The following DENND1B variants were observed in gnomAD, a reference collection of about 807,000 sequenced individuals.
DENND1B encodes DENN domain-containing protein 1B.
In DENND1B, 59 loss-of-function variants were observed where a neutral mutation model predicts 90.1. That is an observed-to-expected ratio of 0.65 (90% confidence interval 0.53 to 0.81). The LOEUF is 0.81. Among genes scored for constraint, DENND1B ranks in the 40% least tolerant of loss-of-function variants. The probability of loss-of-function intolerance (pLI) is 0.00; values close to 1 mark genes in which losing one functional copy is unlikely to be tolerated. For missense variants in DENND1B, 862 were observed against 912.6 expected (o/e 0.94, Z 0.71); for synonymous variants, 337 against 324.6 (o/e 1.04, Z -0.41).
intron 11 of DENND1B, among the ~76,000 whole-genome samples, chr1:197,614,077 C>T (rs904492006): frequency 3.4e-5 from 5 of 147,802 alleles, no homozygotes; most frequent in Admixed American, 3.4e-4. Context: ...TTCGCCCAGG[C>T]AAAAACATTT....
intron 3 of DENND1B, among the ~76,000 whole-genome samples, chr1:197,677,112 G>C (rs1249672195): frequency 6.6e-6 from 1 of 152,108 alleles, no homozygotes; most frequent in African/African-American, 2.4e-5. Context: ...AAAATGAGAT[G>C]TGTCATTGTC....
At chr1:197,754,182 A>G (rs1653953464) in intron 2 of DENND1B, among the ~76,000 whole-genome samples, 1 of 152,104 alleles carries the variant, frequency 6.6e-6, no homozygotes, top group African/African-American at 2.4e-5. Flanking sequence ...TAAAAAGAGG[A>G]TTAATACCCA....
chr1:197,663,909 C>T (rs76102264), intron 5 of DENND1B, among the ~76,000 whole-genome samples: 49 of 151,924 alleles, frequency 3.2e-4, no homozygotes, highest in Non-Finnish European at 6.8e-4. Context: ...ACAAAGTAGT[C>T]CAGTAATTCC....
At chr1:197,714,848 GTAACTTT>G (rs1660485812) in intron 3 of DENND1B, among the ~76,000 whole-genome samples, 176 bp downstream of exon 3, 1 of 151,984 alleles carries the variant, frequency 6.6e-6, no homozygotes, top group Non-Finnish European at 1.5e-5. Context: ...CATCTACTTG[GTAACTTT>G]AAAAGATTCT....
At chr1:197,654,867 G>A (rs1232683272) in intron 6 of DENND1B, among the ~76,000 whole-genome samples, 3 of 152,044 alleles carry the variant, frequency 2.0e-5, no homozygotes, top group Non-Finnish European at 4.4e-5. Flanking sequence ...CTGCATCCAT[G>A]TTTAACATAG....
intron 2 of DENND1B, among the ~76,000 whole-genome samples, chr1:197,738,671 G>C (rs1662938699): frequency 6.6e-6 from 1 of 152,206 alleles, no homozygotes; most frequent in Non-Finnish European, 1.5e-5. Flanking sequence ...GATGCAGAAT[G>C]TTAAAGCAGC....
intron 3 of DENND1B, chr1:197,690,236 T>C: frequency 3.6e-6 from 1 of 279,134 alleles, no homozygotes; most frequent in South Asian, 5.1e-5. Context: ...GCAATGTTGC[T>C]GGTGACAGCA....
At chr1:197,538,643 C>A (rs1043804334) in intron 20 of DENND1B, among the ~76,000 whole-genome samples, 1 of 145,306 alleles carries the variant, frequency 6.9e-6, no homozygotes. Flanking sequence ...TGATGAATGA[C>A]TGAATTAATG....
At chr1:197,541,091 T>C in intron 18 of DENND1B, 76 bp from the exon 19 acceptor site, 1 of 1,255,708 alleles carries the variant, frequency 8.0e-7, no homozygotes, top group African/African-American at 1.5e-5. Flanking sequence ...CAAGATCAAA[T>C]TTAATGACAA....
chr1:197,732,983 T>C (rs1332197768), intron 2 of DENND1B, among the ~76,000 whole-genome samples: 2 of 151,672 alleles, frequency 1.3e-5, no homozygotes, highest in Non-Finnish European at 2.9e-5. Context: ...TTGGAAAGAG[T>C]CTTAATTATG....
At chr1:197,668,130 C>T (rs1307197920) in intron 5 of DENND1B, among the ~76,000 whole-genome samples, 1 of 152,050 alleles carries the variant, frequency 6.6e-6, no homozygotes, top group African/African-American at 2.4e-5. Context: ...TAACAACATA[C>T]TATAAATATT....
Position 197,541,087 on chromosome 1 carries a change from C to A in DENND1B, c.1351-72G>T. ...CATTTAAAGAATAAGTATACAAGATCAAATTTAATGACAATTACTAAATAT... is the reference window on the plus strand; with the variant it reads ...CATTTAAAGAATAAGTATACAAGATAAAATTTAATGACAATTACTAAATAT... On this transcript the variant is annotated intron_variant, in intron 18 of 22. Transcript: ENST00000620048. 4 of 1,284,908 alleles carry A rather than the reference C, an allele frequency of 3.1e-6. No homozygotes were observed. The South Asian group carries it at 3.9e-5, about 12-fold the overall frequency. The allele number at this position is 1,284,908 out of a possible 1,614,324, so 79.6% of individuals were successfully genotyped here.
At position 197,607,370 on chromosome 1, in the gene DENND1B, T is replaced by TA. The variant is rs1676780700; in HGVS notation, c.820-197dup. ...CTACAACTCATACGAAAAGATTTAG[T>TA]AAAAATGCTTAAAATTGAATATTTC... On this transcript the variant is annotated intron_variant, in intron 12 of 22. Transcript: ENST00000620048. 1.3e-5 allele frequency among the ~76,000 whole-genome samples: 2 copies of TA among 150,994 alleles called. 1 individual carries two copies. Among genetic ancestry groups the TA allele is most frequent in the South Asian group, 4.2e-4 (2 of 4,814 alleles).
At chr1:197,587,156 AAAGTT>A (rs1352310275) in intron 14 of DENND1B, among the ~76,000 whole-genome samples, 3 of 152,242 alleles carry the variant, frequency 2.0e-5, no homozygotes, top group African/African-American at 7.2e-5. Context: ...CTTGAATATT[AAAGTT>A]GAGTTGATCA....
Position 197,540,051 on chromosome 1 carries a change from C to G in DENND1B, c.1428G>C (p.Gly476=), listed in dbSNP as rs750443333. Residue 476 remains glycine, a synonymous_variant, in exon 20 of 23, where the codon GGG becomes GGC. Coordinates refer to ENST00000620048, the MANE Select transcript of DENND1B (RefSeq NM_001195215.2). ...LKHKENEEDY[G]TCSSSVQYTP... is the part of the protein sequence containing the mutation. The stretch of plus-strand genomic sequence containing the variant: ...TATATTGTACAGAACTAGAACAGGT[C>G]CCATAATCTTCTTCATTTTCCTACA... The G allele has an allele frequency of 1.2e-6, 2 of 1,606,834 alleles. No individual in the cohort carries two copies. The highest frequency in any genetic ancestry group is 1.1e-5 in the South Asian group (1 of 89,192).
chr1:197,618,177 T>C (rs1056240203), intron 10 of DENND1B, among the ~76,000 whole-genome samples: 2 of 151,242 alleles, frequency 1.3e-5, no homozygotes, highest in African/African-American at 4.8e-5. Context: ...TCCTGAGGGA[T>C]ATCATTAGGG....
chr1:197,514,922 A>G (rs1162700766), intron 20 of DENND1B, among the ~76,000 whole-genome samples: 1 of 151,628 alleles, frequency 6.6e-6, no homozygotes, highest in Non-Finnish European at 1.5e-5. Flanking sequence ...GTAGATGGGA[A>G]ATGGCATTTA....
At chr1:197,594,467 T>C (rs1296242821) in intron 14 of DENND1B, among the ~76,000 whole-genome samples, 1 of 152,174 alleles carries the variant, frequency 6.6e-6, no homozygotes, top group Non-Finnish European at 1.5e-5. Flanking sequence ...CAACTCCTAT[T>C]AGATAGCAGG....
intron 10 of DENND1B, among the ~76,000 whole-genome samples, chr1:197,627,000 G>C (rs1481874568): frequency 6.6e-6 from 1 of 152,092 alleles, no homozygotes; most frequent in Non-Finnish European, 1.5e-5. Context: ...TCTCTGAATA[G>C]ACCAATAACA....
Sources: gnomAD v4.1 joint callset for allele counts (sites outside exome capture counted in the v4.1 genomes callset) on GRCh38, gnomAD v4.1.1 for gene constraint, MANE v1.5 for transcripts, NCBI Gene and HGNC (gene_info 2026-07-23, HGNC 2026-07-21) for gene names.